RUNDC3B: variants seen among roughly 807,000 people sequenced by gnomAD.
RUNDC3B encodes RUN domain containing 3B.
Under a neutral mutation model 58.4 loss-of-function variants are expected in RUNDC3B, and 33 were observed. That is an observed-to-expected ratio of 0.56 (90% CI 0.43 to 0.75). The LOEUF (loss-of-function observed/expected upper bound fraction) is 0.75, where lower values mean the gene tolerates loss of function less well. RUNDC3B is among the 30% of genes least tolerant of loss of function. The pLI, the probability that RUNDC3B is intolerant of heterozygous loss-of-function variation, is 0.00. For missense variants in RUNDC3B, 501 were observed against 535.7 expected, an observed-to-expected ratio of 0.94 and a Z score of 0.64; for synonymous variants, 193 against 195.2, an observed-to-expected ratio of 0.99 and a Z score of 0.10.
At chr7:87,752,305 A>G (rs1467076259) in intron 6 of RUNDC3B, among the ~76,000 whole-genome samples, 2 of 152,166 alleles carry the variant, frequency 1.3e-5, no homozygotes, top group Non-Finnish European at 2.9e-5. Flanking sequence ...TTTTGCATCA[A>G]TGTTCATCAA....
intron 2 of RUNDC3B, among the ~76,000 whole-genome samples, chr7:87,694,895 TG>T (rs1162090198): frequency 2.9e-4 from 44 of 152,306 alleles, no homozygotes; most frequent in African/African-American, 1.0e-3. Flanking sequence ...AATTAAGAGT[TG>T]ACTAATTGTT....
chr7:87,685,444 CT>C (rs1360472175), intron 2 of RUNDC3B, among the ~76,000 whole-genome samples: 1 of 152,170 alleles, frequency 6.6e-6, no homozygotes, highest in Admixed American at 6.6e-5. Context: ...ACCCAAGTAT[CT>C]TTCATGTGAT....
chr7:87,699,572 G>C (rs1248889615), intron 2 of RUNDC3B, among the ~76,000 whole-genome samples: 2 of 152,004 alleles, frequency 1.3e-5, no homozygotes, highest in South Asian at 4.1e-4. Context: ...TGCCCAGCTA[G>C]TTTTTGTATT....
chr7:87,734,363 C>T (rs1563170972), intron 4 of RUNDC3B, among the ~76,000 whole-genome samples: 1 of 152,102 alleles, frequency 6.6e-6, no homozygotes, highest in East Asian at 1.9e-4. Context: ...ATCCATGCTG[C>T]CACATGGATG....
At chr7:87,664,402 A>T (rs1376942903) in intron 2 of RUNDC3B, among the ~76,000 whole-genome samples, 2 of 152,158 alleles carry the variant, frequency 1.3e-5, no homozygotes, top group Non-Finnish European at 2.9e-5. Flanking sequence ...AAGCAGGAAA[A>T]TGTGATCAAT....
intron 6 of RUNDC3B, among the ~76,000 whole-genome samples, chr7:87,768,037 C>A (rs1834066749): frequency 6.6e-6 from 1 of 152,178 alleles, no homozygotes; most frequent in African/African-American, 2.4e-5. Context: ...TGTTGCCACT[C>A]TGTGTAGGGA....
At chr7:87,666,613 T>G (rs1016829031) in intron 2 of RUNDC3B, among the ~76,000 whole-genome samples, 6 of 152,080 alleles carry the variant, frequency 3.9e-5, no homozygotes, top group Non-Finnish European at 5.9e-5. Context: ...ATGGCTTTAA[T>G]AGTTTGAGGT....
At chr7:87,800,653 C>CT (rs571588791) in intron 8 of RUNDC3B, among the ~76,000 whole-genome samples, 3,119 of 137,528 alleles carry the variant, frequency 0.023, 55 homozygotes, top group East Asian at 0.052. Flanking sequence ...CTTTTCTTTT[C>CT]TTTTTTTTTT....
At chr7:87,807,042 A>G (rs984080722) in intron 8 of RUNDC3B, among the ~76,000 whole-genome samples, 1 of 152,124 alleles carries the variant, frequency 6.6e-6, no homozygotes, top group Non-Finnish European at 1.5e-5. Flanking sequence ...AATTGGCTTG[A>G]TAACCTGTAT....
intron 1 of RUNDC3B, among the ~76,000 whole-genome samples, chr7:87,645,081 CTTTTTTTTT>C (rs551936794): frequency 2.3e-5 from 3 of 128,098 alleles, no homozygotes; most frequent in Non-Finnish European, 5.1e-5. Context: ...TGCTTTCTTT[CTTTTTTTTT>C]TTTTTTTTTG....
chr7:87,789,312 TG>T (rs1206709512), intron 8 of RUNDC3B, among the ~76,000 whole-genome samples: 2 of 152,224 alleles, frequency 1.3e-5, no homozygotes, highest in Non-Finnish European at 2.9e-5. Context: ...GAAACTGAAG[TG>T]TCACTCATAG....
At chr7:87,665,813 T>C (rs1825173926) in intron 2 of RUNDC3B, among the ~76,000 whole-genome samples, 1 of 152,122 alleles carries the variant, frequency 6.6e-6, no homozygotes, top group African/African-American at 2.4e-5. Flanking sequence ...GTTCCCGCAT[T>C]ATTTCACTTA....
intron 6 of RUNDC3B, among the ~76,000 whole-genome samples, chr7:87,764,661 A>C (rs370300440): frequency 6.6e-6 from 1 of 151,756 alleles, no homozygotes; most frequent in East Asian, 1.9e-4. Context: ...TCTGTTTCTG[A>C]GCTATCTCAC....
chr7:87,811,162 A>C (rs1292872293), intron 9 of RUNDC3B, among the ~76,000 whole-genome samples: 2 of 152,020 alleles, frequency 1.3e-5, no homozygotes, highest in Non-Finnish European at 2.9e-5. Context: ...TTATTGCCTA[A>C]CTCACCCATT....
chr7:87,703,885 C>CTTTTTTTTTTTTTTTTTTT, intron 3 of RUNDC3B, among the ~76,000 whole-genome samples: 39 of 60,268 alleles, frequency 6.5e-4, no homozygotes, highest in Non-Finnish European at 7.9e-4. Flanking sequence ...TCAGTTTTTT[C>CTTTTTTTTTTTTTTTTTTT]TTTTTTTTTT....
chr7:87,797,920 A>G (rs1339868660), intron 8 of RUNDC3B, among the ~76,000 whole-genome samples: 2 of 152,240 alleles, frequency 1.3e-5, no homozygotes, highest in African/African-American at 2.4e-5. Context: ...CCCTTGATTC[A>G]TAGGTTAATG....
chr7:87,781,261 T>C (rs1834905206), intron 8 of RUNDC3B, among the ~76,000 whole-genome samples: 1 of 150,334 alleles, frequency 6.7e-6, no homozygotes, highest in Non-Finnish European at 1.5e-5. Flanking sequence ...GTAAATGGGA[T>C]TGTGTTTTTG....
At chr7:87,784,220 A>G (rs532425255) in intron 8 of RUNDC3B, among the ~76,000 whole-genome samples, 4 of 152,202 alleles carry the variant, frequency 2.6e-5, no homozygotes, top group East Asian at 3.9e-4. Context: ...GTCACTTCTG[A>G]TATTTCACTC....
intron 6 of RUNDC3B, among the ~76,000 whole-genome samples, chr7:87,760,097 T>C (rs1445791255): frequency 1.3e-5 from 2 of 151,520 alleles, no homozygotes; most frequent in Non-Finnish European, 2.9e-5. Flanking sequence ...TGGGTGTTTT[T>C]AGCCTATTCA....
Sources: allele counts gnomAD v4.1 joint callset (sites outside exome capture counted in the v4.1 genomes callset), GRCh38; gene constraint gnomAD v4.1.1; transcripts MANE v1.5; gene names NCBI Gene and HGNC (gene_info 2026-07-23, HGNC 2026-07-21).